ARHGEF33: variants seen among roughly 807,000 people sequenced by gnomAD.
The protein encoded by ARHGEF33 is DH and coiled-coil domain-containing protein ENSP00000381780.
A neutral mutation model predicts 101.9 loss-of-function variants in ARHGEF33; 72 were observed. The ratio of observed to expected loss-of-function variants is 0.71; its 90% confidence interval spans 0.58 to 0.86. The LOEUF is 0.86. Among genes scored for constraint, ARHGEF33 ranks in the 40% least tolerant of loss-of-function variants. ARHGEF33 has a pLI of 0.00. For synonymous variants in ARHGEF33, 499 were observed against 442.5 expected (o/e 1.13, Z -1.60); for missense variants, 1,169 against 1,111.3 (o/e 1.05, Z -0.74).
rs183211629 is a variant in ARHGEF33, at chr2:38,974,010, A to G, written c.*167A>G. ...ACTTACATATGAAACTAAACATACA[A>G]GACATTGAAGAGATGAAGATTAGTT... is the stretch of plus-strand genomic sequence containing the variant. On this transcript the variant is annotated 3_prime_UTR_variant, in exon 18 of 18. Coordinates refer to ENST00000409978, the MANE Select transcript of ARHGEF33 (RefSeq NM_001145451.5). 144 of 359,442 alleles carry G rather than the reference A, an allele frequency of 4.0e-4. No homozygotes were observed. The highest frequency in any genetic ancestry group is 3.1e-3 in the African/African-American group (140 of 45,672). The allele number at this position is 359,442 out of a possible 1,614,324, so 22.3% of individuals were successfully genotyped here.
chr2:38,971,781 T>G (rs1035851194), intron 17 of ARHGEF33: 25 of 716,896 alleles, frequency 3.5e-5, no homozygotes, highest in Admixed American at 3.0e-4. Context: ...ATAGGGAAGG[T>G]ACAATTTGTG....
intron 2 of ARHGEF33, among the ~76,000 whole-genome samples, chr2:38,897,935 A>G (rs923274788): frequency 3.9e-5 from 6 of 152,216 alleles, no homozygotes; most frequent in Non-Finnish European, 8.8e-5. Context: ...GAAGCCCAGT[A>G]TGTGCATGGG....
At chr2:38,926,942 G>T (rs942841086) in intron 4 of ARHGEF33, among the ~76,000 whole-genome samples, 6 of 151,726 alleles carry the variant, frequency 4.0e-5, no homozygotes, top group Non-Finnish European at 8.8e-5. Context: ...TGTTTATTTT[G>T]CTCACAGAAG....
Position 38,954,241 on chromosome 2 carries a change from A to G in ARHGEF33, c.1138-132A>G, listed in dbSNP as rs573690849. 1.7e-5 allele frequency: 11 copies of G among 636,458 alleles called. No individual in the cohort carries two copies. The South Asian group carries it at 2.1e-4, about 12-fold the overall frequency. The allele number at this position is 636,458 out of a possible 1,614,324, so 39.4% of individuals were successfully genotyped here. A position where few individuals can be genotyped will look rare whatever the true frequency, so the allele number is the denominator to read the frequency against. On this transcript the variant is annotated intron_variant, in intron 12 of 17. Coordinates refer to ENST00000409978, the MANE Select transcript of ARHGEF33 (RefSeq NM_001145451.5). ...ATGTGGCCTCTCCTATGAGACAGCA[A>G]TGCTCTATGACAATCTCTGGGAAGA...
At chr2:38,967,088 T>C (rs931623499) in intron 17 of ARHGEF33, among the ~76,000 whole-genome samples, 5 of 152,362 alleles carry the variant, frequency 3.3e-5, no homozygotes, top group African/African-American at 1.2e-4. Flanking sequence ...TTTGGAGAGT[T>C]GCCAATAAGT....
At chr2:38,970,226 CTA>C (rs1340941815) in intron 17 of ARHGEF33, among the ~76,000 whole-genome samples, 1 of 152,176 alleles carries the variant, frequency 6.6e-6, no homozygotes, top group Non-Finnish European at 1.5e-5. Context: ...CCATCACTGT[CTA>C]TTTTCTTAAT....
intron 14 of ARHGEF33, among the ~76,000 whole-genome samples, chr2:38,957,523 A>G (rs550272537): frequency 5.3e-5 from 8 of 152,362 alleles, no homozygotes; most frequent in Non-Finnish European, 5.9e-5. Flanking sequence ...GAACAAATAA[A>G]TAAGATGGTG....
chr2:38,918,435 A>G (rs1025431015), intron 2 of ARHGEF33, among the ~76,000 whole-genome samples: 2 of 152,166 alleles, frequency 1.3e-5, no homozygotes, highest in African/African-American at 4.8e-5. Context: ...TTCAGCCTCT[A>G]CAGTGGGAGG....
At chr2:38,917,758 G>A (rs1049143141) in intron 2 of ARHGEF33, among the ~76,000 whole-genome samples, 1 of 150,624 alleles carries the variant, frequency 6.6e-6, no homozygotes, top group Non-Finnish European at 1.5e-5. Flanking sequence ...GAGCCCAGGA[G>A]TTCAAGGCTC....
intron 2 of ARHGEF33, among the ~76,000 whole-genome samples, chr2:38,914,325 T>G (rs987780577): frequency 6.6e-6 from 1 of 152,134 alleles, no homozygotes; most frequent in Non-Finnish European, 1.5e-5. Flanking sequence ...AGTGGAGAAA[T>G]GATTAACACA....
At chr2:38,939,233 C>G (rs1244116145) in intron 9 of ARHGEF33, among the ~76,000 whole-genome samples, 3 of 152,162 alleles carry the variant, frequency 2.0e-5, no homozygotes, top group Non-Finnish European at 4.4e-5. Flanking sequence ...CTTGGCCTCC[C>G]AAAGTGCTGG....
chr2:38,933,368 G>C (rs1667051614), intron 7 of ARHGEF33, among the ~76,000 whole-genome samples: 1 of 151,824 alleles, frequency 6.6e-6, no homozygotes, highest in Non-Finnish European at 1.5e-5. Context: ...AGCCACAGTG[G>C]GTTTTTTTGT....
Position 38,966,162 on chromosome 2 carries a change from C to A in ARHGEF33, c.2483+17C>A. 6.5e-7 allele frequency: 1 copy of A among 1,550,266 alleles called. No individual in the cohort carries two copies. Among genetic ancestry groups the A allele is most frequent in the South Asian group, 1.2e-5 (1 of 83,724 alleles). ...TAAAAAGAAGTGAGTAGCCCTTAGACAAGACAGCATTGTAACTCATTTCCC... is the reference window on the plus strand; with the variant it reads ...TAAAAAGAAGTGAGTAGCCCTTAGAAAAGACAGCATTGTAACTCATTTCCC... On this transcript the variant is annotated intron_variant, in intron 17 of 17. Coordinates refer to ENST00000409978, the MANE Select transcript of ARHGEF33 (RefSeq NM_001145451.5).
intron 12 of ARHGEF33, 71 bp from the exon 13 acceptor site, chr2:38,954,302 G>T: frequency 1.1e-6 from 1 of 869,714 alleles, no homozygotes; most frequent in Non-Finnish European, 1.9e-6. Context: ...TACCCTGGTG[G>T]GACTGATTCG....
At chr2:38,927,315 A>G (rs376549280) in intron 4 of ARHGEF33, among the ~76,000 whole-genome samples, 3 of 152,374 alleles carry the variant, frequency 2.0e-5, no homozygotes, top group East Asian at 3.9e-4. Flanking sequence ...AATCATGTGC[A>G]TGACCTTATT....
intron 2 of ARHGEF33, among the ~76,000 whole-genome samples, chr2:38,906,531 G>A (rs1345539582): frequency 6.6e-6 from 1 of 151,930 alleles, no homozygotes; most frequent in African/African-American, 2.4e-5. Context: ...CTCTAGGGAG[G>A]GCATGTATGA....
At chr2:38,904,295 G>A (rs1666337167) in intron 2 of ARHGEF33, among the ~76,000 whole-genome samples, 1 of 152,178 alleles carries the variant, frequency 6.6e-6, no homozygotes, top group Non-Finnish European at 1.5e-5. Flanking sequence ...AAGTAGAAAT[G>A]CAAGTGGCAG....
intron 15 of ARHGEF33, among the ~76,000 whole-genome samples, chr2:38,959,060 A>C (rs1164994329): frequency 6.6e-6 from 1 of 152,250 alleles, no homozygotes; most frequent in Non-Finnish European, 1.5e-5. Context: ...AAACTAGCAG[A>C]ATAACCACTT....
intron 7 of ARHGEF33, among the ~76,000 whole-genome samples, chr2:38,931,935 T>A (rs1372034675): frequency 2.0e-5 from 3 of 152,142 alleles, no homozygotes; most frequent in African/African-American, 7.2e-5. Context: ...AAAGAAAGAC[T>A]CAATGATTTC....
Sources: gnomAD v4.1 joint callset for allele counts (sites outside exome capture counted in the v4.1 genomes callset) on GRCh38, gnomAD v4.1.1 for gene constraint, MANE v1.5 for transcripts, NCBI Gene and HGNC (gene_info 2026-07-23, HGNC 2026-07-21) for gene names.